UBE2H: variants seen among roughly 807,000 people sequenced by gnomAD.
UBE2H encodes ubiquitin conjugating enzyme E2 H.
In UBE2H, 3 loss-of-function variants were observed where a neutral mutation model predicts 29.0. That is an observed-to-expected ratio of 0.10 (90% CI 0.05 to 0.27). The LOEUF (loss-of-function observed/expected upper bound fraction) is 0.27, where lower values mean the gene tolerates loss of function less well. Ranked by LOEUF, UBE2H falls within the 10% of genes least tolerant of loss-of-function variation. The probability of loss-of-function intolerance (pLI) is 1.00; values close to 1 mark genes in which losing one functional copy is unlikely to be tolerated. For synonymous variants in UBE2H, 69 were observed against 82.9 expected, an observed-to-expected ratio of 0.83 and a Z score of 0.91; for missense variants, 68 against 228.2, an observed-to-expected ratio of 0.30 and a Z score of 4.52.
At chr7:129,928,646 A>G (rs1238057838) in intron 1 of UBE2H, among the ~76,000 whole-genome samples, 2 of 152,234 alleles carry the variant, frequency 1.3e-5, no homozygotes, top group Non-Finnish European at 2.9e-5. Context: ...GTCTTTTCAA[A>G]TAACTAGAAG....
chr7:129,924,740 G>T (rs1186048367), intron 1 of UBE2H, among the ~76,000 whole-genome samples: 1 of 151,764 alleles, frequency 6.6e-6, no homozygotes, highest in African/African-American at 2.4e-5. Context: ...CTCCTTATTT[G>T]ATAGATAAGG....
Position 129,870,791 on chromosome 7 carries a change from G to C in UBE2H, c.205+8777C>G, listed in dbSNP as rs373182819. On this transcript the variant is annotated intron_variant, in intron 3 of 6. Transcript: ENST00000355621. The stretch of plus-strand genomic sequence containing the variant: ...GTAATCTTTCTATTACATTTAAAAT[G>C]AAAGTCGAGCCTTTAACCTGGCCTA... Among the ~76,000 whole-genome samples, 9 of 151,898 alleles carry C rather than the reference G, an allele frequency of 5.9e-5. No homozygotes were observed. In the South Asian group the frequency reaches 1.9e-3, roughly 32 times the overall value.
chr7:129,906,832 T>C (rs75287736), intron 1 of UBE2H, among the ~76,000 whole-genome samples: 9,523 of 152,250 alleles, frequency 0.063, 371 homozygotes, highest in Non-Finnish European at 0.092. Flanking sequence ...AGAAGTTTCT[T>C]TGGAGACCTA....
At chr7:129,896,392 T>C (rs1806601804) in intron 1 of UBE2H, among the ~76,000 whole-genome samples, 1 of 152,030 alleles carries the variant, frequency 6.6e-6, no homozygotes, top group Admixed American at 6.6e-5. Flanking sequence ...TTATTTTCAT[T>C]GTATTTATTT....
chr7:129,872,650 T>C (rs1806062747), intron 3 of UBE2H, among the ~76,000 whole-genome samples: 1 of 151,886 alleles, frequency 6.6e-6, no homozygotes, highest in African/African-American at 2.4e-5. Context: ...AAGACCAGCC[T>C]GGCCAACATG....
intron 3 of UBE2H, among the ~76,000 whole-genome samples, chr7:129,869,411 G>A (rs930487799): frequency 1.3e-5 from 2 of 151,954 alleles, no homozygotes; most frequent in African/African-American, 4.8e-5. Context: ...TCCCACCCCA[G>A]GAATCATTAA....
At chr7:129,905,757 T>C (rs1269114554) in intron 1 of UBE2H, among the ~76,000 whole-genome samples, 2 of 152,176 alleles carry the variant, frequency 1.3e-5, no homozygotes, top group Admixed American at 1.3e-4. Context: ...GTATTGCTGA[T>C]GGTAATACCA....
chr7:129,847,024 TA>T (rs142982831), intron 5 of UBE2H, among the ~76,000 whole-genome samples: 109 of 140,798 alleles, frequency 7.7e-4, no homozygotes, highest in African/African-American at 1.7e-3. Flanking sequence ...TTATTATTAT[TA>T]TTATTATTTT....
intron 1 of UBE2H, among the ~76,000 whole-genome samples, chr7:129,913,120 C>T (rs1584782351): frequency 2.6e-5 from 4 of 151,830 alleles, no homozygotes; most frequent in South Asian, 2.1e-4. Context: ...GGCACGGTGG[C>T]GGGTGCCTGT....
At chr7:129,903,724 C>T (rs921489477) in intron 1 of UBE2H, among the ~76,000 whole-genome samples, 3 of 152,098 alleles carry the variant, frequency 2.0e-5, no homozygotes, top group African/African-American at 4.8e-5. Flanking sequence ...CAAAGCAAGA[C>T]GCCATCTCTA....
intron 3 of UBE2H, among the ~76,000 whole-genome samples, chr7:129,867,261 G>A (rs1037447651): frequency 7.3e-5 from 11 of 151,588 alleles, no homozygotes; most frequent in African/African-American, 2.2e-4. Flanking sequence ...TATGTTTATT[G>A]CGGCACTATT....
At chr7:129,908,157 T>C (rs1204013686) in intron 1 of UBE2H, among the ~76,000 whole-genome samples, 3 of 152,198 alleles carry the variant, frequency 2.0e-5, no homozygotes, top group Non-Finnish European at 4.4e-5. Flanking sequence ...CTCAAAATAA[T>C]GACATAATTC....
At chr7:129,930,180 C>G (rs1273124732) in intron 1 of UBE2H, among the ~76,000 whole-genome samples, 1 of 151,372 alleles carries the variant, frequency 6.6e-6, no homozygotes, top group African/African-American at 2.4e-5. Context: ...TTTTTTTTTG[C>G]GATGGGGTTT....
intron 1 of UBE2H, among the ~76,000 whole-genome samples, chr7:129,901,379 T>C (rs957965539): frequency 6.6e-6 from 1 of 152,096 alleles, no homozygotes; most frequent in Non-Finnish European, 1.5e-5. Flanking sequence ...CTCAGGCTTG[T>C]TCTGATGAGG....
rs1489128551 is a variant in UBE2H at position 129,833,146 on chromosome 7, A to G, written c.*1791T>C. The G allele has an allele frequency of 6.6e-6, 1 of 152,540 alleles. No individual in the cohort carries two copies. The highest frequency in any genetic ancestry group is 1.5e-5 in the Non-Finnish European group (1 of 68,034). The allele number at this position is 152,540 out of a possible 1,614,324, so 9.4% of individuals were successfully genotyped here. On this transcript the variant is annotated 3_prime_UTR_variant, in exon 7 of 7. Coordinates refer to ENST00000355621, the MANE Select transcript of UBE2H (RefSeq NM_003344.4). Reference sequence around the variant, plus strand: ...TTTGCTTCATGCCCGTAATTAACATAAAGTAAGTAAATTCTTTGTCTTTTT... The same window carrying G: ...TTTGCTTCATGCCCGTAATTAACATGAAGTAAGTAAATTCTTTGTCTTTTT...
intron 1 of UBE2H, among the ~76,000 whole-genome samples, chr7:129,890,363 A>G (rs902130053): frequency 8.6e-5 from 13 of 151,570 alleles, no homozygotes; most frequent in South Asian, 2.1e-4. Flanking sequence ...ATATACACAT[A>G]TATATACACA....
At chr7:129,865,642 C>G (rs1805889790) in intron 3 of UBE2H, among the ~76,000 whole-genome samples, 3 of 152,230 alleles carry the variant, frequency 2.0e-5, no homozygotes, top group African/African-American at 7.2e-5. Flanking sequence ...GTTCAGACAG[C>G]TGTGGCTGAT....
intron 3 of UBE2H, among the ~76,000 whole-genome samples, chr7:129,873,104 C>T (rs1011502812): frequency 1.3e-5 from 2 of 151,642 alleles, no homozygotes; most frequent in Non-Finnish European, 2.9e-5. Context: ...ATGCAAGCTC[C>T]GCCTCCCGGG....
chr7:129,941,933 A>AG (rs1207042167), intron 1 of UBE2H, among the ~76,000 whole-genome samples: 3 of 149,104 alleles, frequency 2.0e-5, no homozygotes. Flanking sequence ...ACTTAAGGCC[A>AG]GGCACAGTGG....
Sources: gnomAD v4.1 joint callset for allele counts (sites outside exome capture counted in the v4.1 genomes callset) on GRCh38, gnomAD v4.1.1 for gene constraint, MANE v1.5 for transcripts, NCBI Gene and HGNC (gene_info 2026-07-23, HGNC 2026-07-21) for gene names.